FBN1: variants seen among roughly 807,000 people sequenced by gnomAD.
FBN1 encodes fibrillin-1.
In FBN1, 29 loss-of-function variants were observed where a neutral mutation model predicts 365.1. The ratio of observed to expected loss-of-function variants is 0.08; its 90% confidence interval spans 0.06 to 0.11. FBN1 has a LOEUF of 0.11. Among genes scored for constraint, FBN1 ranks in the 10% least tolerant of loss-of-function variants. The probability of loss-of-function intolerance (pLI) is 1.00; values close to 1 mark genes in which losing one functional copy is unlikely to be tolerated. For synonymous variants in FBN1, 1,210 were observed against 1,270.5 expected, an observed-to-expected ratio of 0.95 and a Z score of 1.01; for missense variants, 2,476 against 3,703.2, an observed-to-expected ratio of 0.67 and a Z score of 8.60.
chr15:48,422,906 AAC>A (rs1431389073), intron 60 of FBN1, among the ~76,000 whole-genome samples: 1 of 152,172 alleles, frequency 6.6e-6, no homozygotes, highest in African/African-American at 2.4e-5. Flanking sequence ...CAGCCTGGGC[AAC>A]AGAGTGAAAC....
chr15:48,511,731 C>T (rs1235827274), intron 13 of FBN1, among the ~76,000 whole-genome samples: 1 of 152,170 alleles, frequency 6.6e-6, no homozygotes, highest in African/African-American at 2.4e-5. Context: ...TTCAGGATAA[C>T]CTTAGTGCTA....
In FBN1 at chr15:48,494,174, A is replaced by C. The variant is rs1241552076; in HGVS notation, c.2728+30T>G. 7 of 1,573,196 alleles carry C rather than the reference A, an allele frequency of 4.4e-6. No homozygotes were observed. The Admixed American group carries it at 1.0e-4, about 22-fold the overall frequency. On this transcript the variant is annotated intron_variant, in intron 23 of 65. Coordinates refer to ENST00000316623, the MANE Select transcript of FBN1 (RefSeq NM_000138.5). ...CACAAACATTCATTATGCACACAAA[A>C]ATGTATGGTTTATAAGTAATCAGAA...
At chr15:48,419,224 G>C (rs1479516569) in intron 63 of FBN1, among the ~76,000 whole-genome samples, 2 of 152,130 alleles carry the variant, frequency 1.3e-5, no homozygotes, top group African/African-American at 4.8e-5. Flanking sequence ...TTTTTTTAGA[G>C]TGTCCAGCCA....
chr15:48,442,271 C>G (rs1346370286), intron 49 of FBN1, among the ~76,000 whole-genome samples: 2 of 152,160 alleles, frequency 1.3e-5, no homozygotes, highest in Non-Finnish European at 2.9e-5. Flanking sequence ...AGATCTAGGC[C>G]TTTGATCCAA....
At chr15:48,632,619 A>G (rs1171462715) in intron 2 of FBN1, among the ~76,000 whole-genome samples, 1 of 152,208 alleles carries the variant, frequency 6.6e-6, no homozygotes, top group African/African-American at 2.4e-5. Flanking sequence ...AAGTGTGGCC[A>G]AAGGTTATTA....
At chr15:48,493,009 C>T (rs75225368) in intron 23 of FBN1, among the ~76,000 whole-genome samples, 11,724 of 152,202 alleles carry the variant, frequency 0.077, 490 homozygotes, top group Middle Eastern at 0.14. Context: ...AGAAAAATAT[C>T]CCACCAAGGA....
chr15:48,543,717 A>G (rs2044075581), intron 6 of FBN1, among the ~76,000 whole-genome samples: 2 of 152,196 alleles, frequency 1.3e-5, no homozygotes, highest in African/African-American at 4.8e-5. Flanking sequence ...TAGATTAAAA[A>G]TCATAATAAT....
At chr15:48,603,800 C>A (rs1006864902) in intron 4 of FBN1, among the ~76,000 whole-genome samples, 1 of 152,180 alleles carries the variant, frequency 6.6e-6, no homozygotes, top group African/African-American at 2.4e-5. Flanking sequence ...GTGCACAGAT[C>A]CAGCCATATG....
intron 45 of FBN1, among the ~76,000 whole-genome samples, chr15:48,449,924 T>C (rs1460214721): frequency 6.6e-6 from 1 of 152,190 alleles, no homozygotes; most frequent in African/African-American, 2.4e-5. Context: ...GGACATCTCC[T>C]CCATTTCATG....
intron 6 of FBN1, among the ~76,000 whole-genome samples, chr15:48,593,154 A>G (rs944376679): frequency 6.6e-6 from 1 of 152,188 alleles, no homozygotes; most frequent in Non-Finnish European, 1.5e-5. Context: ...AAACCAAAAT[A>G]CTATGTTCAT....
In FBN1 at chr15:48,525,086, A is replaced by T. The variant is rs1351829768; in HGVS notation, c.988+1044T>A. On this transcript the variant is annotated intron_variant, in intron 9 of 65. Coordinates refer to ENST00000316623, the MANE Select transcript of FBN1 (RefSeq NM_000138.5). ...AATTATTAAATCCAGCAGCTGTCAA[A>T]TCTATTTTTTTTTTTTTTCAGATGA... 3.7e-5 allele frequency among the ~76,000 whole-genome samples: 5 copies of T among 136,312 alleles called. No homozygotes were observed. In the East Asian group the frequency reaches 1.1e-3, roughly 31 times the overall value. 89.4% of individuals were successfully genotyped at this position (136,312 alleles called of 152,430 possible).
At chr15:48,610,579 CT>C (rs2044648699) in intron 4 of FBN1, 148 bp downstream of exon 4, 1 of 668,626 alleles carries the variant, frequency 1.5e-6, no homozygotes, top group African/African-American at 1.8e-5. Context: ...GAAGGAAAGC[CT>C]TTCCAAGTAT....
Position 48,437,238 on chromosome 15 carries a change from T to A in FBN1, c.6379+84A>T. 4.4e-6 allele frequency: 6 copies of A among 1,361,554 alleles called. No homozygotes were observed. The South Asian group carries it at 7.2e-5, about 16-fold the overall frequency. The allele number at this position is 1,361,554 out of a possible 1,614,324, so 84.3% of individuals were successfully genotyped here. A position where few individuals can be genotyped will look rare whatever the true frequency, so the allele number is the denominator to read the frequency against. The stretch of plus-strand genomic sequence containing the variant: ...AAAAGTAGCACTTAATTTTCCAAGA[T>A]AGATGGAGAAAAATAAGAATAACTA... On this transcript the variant is annotated intron_variant, in intron 52 of 65. Coordinates refer to ENST00000316623, the MANE Select transcript of FBN1 (RefSeq NM_000138.5).
chr15:48,483,858 A>G lies in FBN1; in HGVS notation c.3798T>C (p.Tyr1266=), dbSNP rs112987543. 1.9e-5 allele frequency: 30 copies of G among 1,613,852 alleles called. No individual in the cohort carries two copies. In the Admixed American group the frequency reaches 4.8e-4, roughly 26 times the overall value. ...TGTCTTCAGATGCCATGAATCCATC[A>G]TAACACAAGCACCTGTACTCTCCAG... ...NIPGEYRCLC[Y]DGFMASEDMK... is the part of the protein sequence containing the mutation. Residue 1266 remains tyrosine (Y), a synonymous_variant, in exon 31 of 66, where the codon TAT becomes TAC. Coordinates refer to ENST00000316623, the MANE Select transcript of FBN1 (RefSeq NM_000138.5).
intron 10 of FBN1, among the ~76,000 whole-genome samples, chr15:48,519,347 C>T (rs1165718663): frequency 1.3e-5 from 2 of 152,176 alleles, no homozygotes; most frequent in Non-Finnish European, 2.9e-5. Context: ...TAATAAGTTG[C>T]TCTCTGTATT....
At chr15:48,483,475 A>C (rs2043482011) in intron 31 of FBN1, among the ~76,000 whole-genome samples, 1 of 152,270 alleles carries the variant, frequency 6.6e-6, no homozygotes, top group Non-Finnish European at 1.5e-5. Context: ...TCTTGTCAGA[A>C]GTAAATTTTG....
At position 48,563,043 on chromosome 15, in the gene FBN1, C is replaced by A. The variant is rs374491020; in HGVS notation, c.539-25235G>T. On this transcript the variant is annotated intron_variant, in intron 6 of 65. Transcript: ENST00000316623. ...GCACAGACTATGTCTTCAATAGATA[C>A]ATGAGAGACAGTGAATGAATGAACA... Among the ~76,000 whole-genome samples the A allele has an allele frequency of 2.6e-5, 4 of 152,258 alleles. No homozygotes were observed. In the East Asian group the frequency reaches 7.7e-4, roughly 29 times the overall value.
intron 4 of FBN1, among the ~76,000 whole-genome samples, chr15:48,606,327 C>T (rs984847615): frequency 8.6e-5 from 13 of 152,028 alleles, no homozygotes; most frequent in African/African-American, 3.1e-4. Context: ...AAACTGATGA[C>T]AACTCAGATG....
chr15:48,411,444 G>C (rs2042863388), intron 65 of FBN1, 65 bp from the exon 66 acceptor site: 1 of 1,473,136 alleles, frequency 6.8e-7, no homozygotes, highest in African/African-American at 1.4e-5. Flanking sequence ...TCATATTAAA[G>C]AAAAAATGAC....
Sources: allele counts gnomAD v4.1 joint callset (sites outside exome capture counted in the v4.1 genomes callset), GRCh38; gene constraint gnomAD v4.1.1; transcripts MANE v1.5; gene names NCBI Gene and HGNC (gene_info 2026-07-23, HGNC 2026-07-21).